DENND6B: variants seen among roughly 807,000 people sequenced by gnomAD.
DENND6B encodes protein DENND6B.
In DENND6B, 73 loss-of-function variants were observed where a neutral mutation model predicts 85.1. The ratio of observed to expected loss-of-function variants is 0.86; its 90% CI spans 0.71 to 1.04. The LOEUF (loss-of-function observed/expected upper bound fraction) is 1.04. Among genes scored for constraint, DENND6B ranks in the 50% least tolerant of loss-of-function variants. The pLI is 0.00. For missense variants in DENND6B, 715 were observed against 785.8 expected (o/e 0.91, Z 1.08); for synonymous variants, 357 against 329.3 (o/e 1.08, Z -0.91).
intron 12 of DENND6B, 60 bp downstream of exon 12, chr22:50,314,340 C>T (rs117100828): frequency 0.033 from 51,556 of 1,580,632 alleles, 1,720 homozygotes; most frequent in East Asian, 0.14. Flanking sequence ...GGCTCTGAGG[C>T]GGCCCCACAC....
Position 50,324,493 on chromosome 22 carries a change from C to T in DENND6B, c.177+2319G>A, listed in dbSNP as rs530996869. ...AGGCTGGAGTGCCATGGCGCGATCT[C>T]GGCTCACCACAACCTCCGCCTCCTG... On this transcript the variant is annotated intron_variant, in intron 1 of 19. Transcript: ENST00000413817. 4.0e-4 allele frequency among the ~76,000 whole-genome samples: 61 copies of T among 152,290 alleles called. No individual in the cohort carries two copies. In the Middle Eastern group the frequency reaches 0.014, roughly 34 times the overall value.
At chr22:50,322,078 A>ATT (rs71198240) in intron 1 of DENND6B, among the ~76,000 whole-genome samples, 74,698 of 142,802 alleles carry the variant, frequency 0.52, 19,970 homozygotes, top group Non-Finnish European at 0.59. Context: ...GTCCTCAATA[A>ATT]TTTTTTTTTT....
At position 50,313,304 on chromosome 22, in the gene DENND6B, G is replaced by A. The variant is rs1392213304; in HGVS notation, c.1347+142C>T. On this transcript the variant is annotated intron_variant, in intron 16 of 19. Transcript: ENST00000413817. ...GGTCCTGCCAGCCACCTGCCCTGTGGCCCCCAGTTTCACAAACATGATGGC... is the reference window on the plus strand; with the variant it reads ...GGTCCTGCCAGCCACCTGCCCTGTGACCCCCAGTTTCACAAACATGATGGC... 4 of 1,257,938 alleles carry A rather than the reference G, an allele frequency of 3.2e-6. No homozygotes were observed. The Admixed American group carries it at 1.1e-4, about 34-fold the overall frequency. 77.9% of individuals were successfully genotyped at this position (1,257,938 alleles called of 1,614,324 possible).
intron 9 of DENND6B, chr22:50,315,176 T>G: frequency 3.9e-6 from 2 of 511,768 alleles, no homozygotes; most frequent in Non-Finnish European, 6.8e-6. Flanking sequence ...GGACCAGCCA[T>G]CCCGAAGTGG....
chr22:50,319,030 G>A (rs1421491873), intron 1 of DENND6B, 27 bp from the exon 2 acceptor site: 13 of 1,581,280 alleles, frequency 8.2e-6, no homozygotes, highest in Non-Finnish European at 1.1e-5. Context: ...AGTGCTTGGT[G>A]ACACCATCTG....
chr22:50,319,294 C>T (rs1237433472), intron 1 of DENND6B: 2 of 985,270 alleles, frequency 2.0e-6, no homozygotes, highest in Middle Eastern at 5.2e-4. Flanking sequence ...GACCTCCAGG[C>T]ACCAGGCCCC....
At chr22:50,317,415 C>T in intron 4 of DENND6B, 42 bp from the exon 5 acceptor site, 4 of 1,608,846 alleles carry the variant, frequency 2.5e-6, no homozygotes, top group Non-Finnish European at 3.4e-6. Flanking sequence ...CCCACCCGGA[C>T]CACCTGGCCA....
At chr22:50,319,356 C>T in intron 1 of DENND6B, 1 of 985,420 alleles carries the variant, frequency 1.0e-6, no homozygotes, top group South Asian at 4.7e-5. Context: ...TCCCCAGGCC[C>T]CTCTCAGTAA....
intron 9 of DENND6B, 52 bp from the exon 10 acceptor site, chr22:50,314,973 G>A: frequency 6.3e-7 from 1 of 1,593,620 alleles, no homozygotes; most frequent in Non-Finnish European, 8.6e-7. Flanking sequence ...GAGACTCCTG[G>A]CTCTGGCCCC....
chr22:50,315,849 C>T, intron 8 of DENND6B, 80 bp from the exon 9 acceptor site: 1 of 1,483,542 alleles, frequency 6.7e-7, no homozygotes, highest in Non-Finnish European at 9.0e-7. Flanking sequence ...CCTCACAGCA[C>T]AGGGGAAGGT....
At chr22:50,313,176 C>T in intron 16 of DENND6B, 68 bp from the exon 17 acceptor site, 1 of 1,421,822 alleles carries the variant, frequency 7.0e-7, no homozygotes, top group South Asian at 1.3e-5. Flanking sequence ...GTACGCTTCC[C>T]AGACACACTC....
At chr22:50,325,927 C>T (rs1167392625) in intron 1 of DENND6B, among the ~76,000 whole-genome samples, 1 of 152,222 alleles carries the variant, frequency 6.6e-6, no homozygotes, top group Non-Finnish European at 1.5e-5. Flanking sequence ...CGCTGCCTGG[C>T]TTTCCTGATG....
chr22:50,318,091 C>A (rs775797109), intron 3 of DENND6B, 71 bp from the exon 4 acceptor site: 2 of 1,522,718 alleles, frequency 1.3e-6, no homozygotes, highest in African/African-American at 1.4e-5. Flanking sequence ...AGCTGGTGAC[C>A]GGGGAGCAAG....
intron 4 of DENND6B, among the ~76,000 whole-genome samples, chr22:50,317,597 G>A (rs74933135): frequency 0.021 from 3,223 of 152,242 alleles, 62 homozygotes; most frequent in South Asian, 0.033. Context: ...CAGGGAGTCC[G>A]CTGGTGTAGT....
intron 1 of DENND6B, among the ~76,000 whole-genome samples, chr22:50,321,827 T>C (rs899329142): frequency 6.7e-6 from 1 of 149,080 alleles, no homozygotes; most frequent in Non-Finnish European, 1.5e-5. Flanking sequence ...CCCCCACACA[T>C]GGCCAATTTT....
At chr22:50,319,948 G>C (rs577958278) in intron 1 of DENND6B, among the ~76,000 whole-genome samples, 4 of 152,348 alleles carry the variant, frequency 2.6e-5, no homozygotes, top group African/African-American at 9.6e-5. Context: ...GCGGCAGGTG[G>C]GGCAGGTGAG....
At chr22:50,313,783 G>A (rs535833662) in intron 14 of DENND6B, 31 bp downstream of exon 14, 52 of 1,610,264 alleles carry the variant, frequency 3.2e-5, no homozygotes, top group South Asian at 1.1e-4. Context: ...GGCTCCCTGC[G>A]TCCCCAGCCC....
At chr22:50,320,039 G>A (rs2041994787) in intron 1 of DENND6B, among the ~76,000 whole-genome samples, 3 of 152,176 alleles carry the variant, frequency 2.0e-5, no homozygotes, top group Non-Finnish European at 2.9e-5. Context: ...CATTCCCAGT[G>A]GGCCCTGCAA....
At position 50,314,705 on chromosome 22, in the gene DENND6B, G is replaced by A. The variant is rs1462335047; in HGVS notation, c.882-5C>T. On this transcript the variant is annotated splice_polypyrimidine_tract_variant and splice_region_variant and intron_variant, in intron 10 of 19. Coordinates refer to ENST00000413817, the MANE Select transcript of DENND6B (RefSeq NM_001001794.4). ...AACCTGAGGGGCTGCAGGCAGCTGT[G>A]GGCAGAGGCAGCAGGGAGCAGGTGA... The A allele has an allele frequency of 3.8e-6, 6 of 1,567,196 alleles. No individual in the cohort carries two copies. The highest frequency in any genetic ancestry group is 5.2e-6 in the Non-Finnish European group (6 of 1,156,886).
Sources: gnomAD v4.1 joint callset for allele counts (sites outside exome capture counted in the v4.1 genomes callset) on GRCh38, gnomAD v4.1.1 for gene constraint, MANE v1.5 for transcripts, NCBI Gene and HGNC (gene_info 2026-07-23, HGNC 2026-07-21) for gene names.